HTR3D: variants seen among roughly 807,000 people sequenced by gnomAD.
HTR3D encodes the protein 5-hydroxytryptamine receptor 3D.
Under a neutral mutation model 45.8 loss-of-function variants are expected in HTR3D, and 47 were observed. That is an observed-to-expected ratio of 1.03 (90% CI 0.81 to 1.31). The LOEUF is 1.31. Ranked by LOEUF, HTR3D falls within the 50% of genes most tolerant of loss-of-function variation. The pLI is 0.00. For missense variants in HTR3D, 448 were observed against 506.9 expected (o/e 0.88, Z 1.12); for synonymous variants, 203 against 199.8 (o/e 1.02, Z -0.13).
intron 1 of HTR3D, among the ~76,000 whole-genome samples, chr3:184,034,881 G>A (rs912075264): frequency 4.6e-5 from 7 of 152,146 alleles, no homozygotes; most frequent in African/African-American, 1.2e-4. Context: ...AGGTGCATTC[G>A]GCGGGGGTGA....
chr3:184,036,837 C>CA lies in HTR3D; in HGVS notation c.463dup (p.Arg155LysfsTer10). 1 of 1,551,438 alleles carries CA rather than the reference C, an allele frequency of 6.4e-7. No individual in the cohort carries two copies. On this transcript the variant is annotated frameshift_variant, in exon 5 of 8. Transcript: ENST00000428798. LOFTEE classifies it high-confidence loss of function. ...GAGGGAGTGGGTACTGCTGGGTATC[C>CA]AAAAAAGAACAATAAAGGTGACCGT...
Position 184,038,204 on chromosome 3 carries a change from C to T in HTR3D, c.700C>T (p.Leu234Phe), listed in dbSNP as rs766003379. Residue 234 changes from leucine to phenylalanine, a missense_variant, in exon 6 of 8, where the codon CTC (leucine) becomes TTC (phenylalanine). Coordinates refer to ENST00000428798, the MANE Select transcript of HTR3D (RefSeq NM_001145143.1). The surrounding 1 kb of genome is among the most constrained non-coding windows in gnomAD (Gnocchi z 4.5). ...SVFLLMMNDL[L>F]PATSTSSHAS... ...CTTCCTGCTCATGATGAATGACTTG[C>T]TCCCAGCCACTAGCACTTCATCACA... is the stretch of plus-strand genomic sequence containing the variant. 11 of 1,614,106 alleles carry T rather than the reference C, an allele frequency of 6.8e-6. No homozygotes were observed. Among genetic ancestry groups the T allele is most frequent in the Admixed American group, 1.7e-5 (1 of 60,008 alleles).
chr3:184,037,957 T>C (rs1722954797), intron 5 of HTR3D, 64 bp from the exon 6 acceptor site: 1 of 1,578,324 alleles, frequency 6.3e-7, no homozygotes, highest in Non-Finnish European at 8.6e-7. Flanking sequence ...CAGTTCTTAC[T>C]CTTACCTGTC....
chr3:184,036,700 T>G, intron 4 of HTR3D, 48 bp from the exon 5 acceptor site: 1 of 1,554,056 alleles, frequency 6.4e-7, no homozygotes, highest in South Asian at 1.2e-5. Context: ...TTGGGCGCAT[T>G]TGGGGAGGCT....
intron 1 of HTR3D, among the ~76,000 whole-genome samples, chr3:184,033,258 C>A (rs1722798421): frequency 6.6e-6 from 1 of 151,746 alleles, no homozygotes; most frequent in African/African-American, 2.4e-5. Flanking sequence ...ACGTGCTGCC[C>A]CACCCAGCTA....
Position 184,038,444 on chromosome 3 carries a change from G to A in HTR3D, c.805G>A (p.Gly269Ser). 1 of 1,614,044 alleles carries A rather than the reference G, an allele frequency of 6.2e-7. No homozygotes were observed. The highest frequency in any genetic ancestry group is 8.5e-7 in the Non-Finnish European group (1 of 1,179,998). The stretch of plus-strand genomic sequence containing the variant: ...CGCCCTGTGCCTGTCCCTGATGGTG[G>A]GCAGCCTGCTGGAGACCATCTTCAT... ...YFALCLSLMV[G>S]SLLETIFITH... The change falls in exon 7 of 8, where the codon GGC (glycine) becomes AGC (serine). Residue 269 changes from glycine (G) to serine (S), a missense_variant. By Grantham distance (56) the Gly-to-Ser change is moderately conservative (BLOSUM62 0). Transcript: ENST00000428798. This position sits in a 1 kb window ranked among gnomAD's most constrained non-coding sequence, Gnocchi z 4.5.
intron 3 of HTR3D, 99 bp from the exon 4 acceptor site, chr3:184,036,276 G>A: frequency 6.6e-7 from 1 of 1,521,980 alleles, no homozygotes; most frequent in Non-Finnish European, 8.9e-7. Context: ...GAGTGGGGCT[G>A]GAGCTCGAGA....
In HTR3D at chr3:184,038,375, C is replaced by T; in HGVS notation, c.770-34C>T. 6.2e-7 allele frequency: 1 copy of T among 1,614,060 alleles called. No individual in the cohort carries two copies. The highest frequency in any genetic ancestry group is 8.5e-7 in the Non-Finnish European group (1 of 1,179,948). ...AAGAAACAAGAAATTCTAGGTGGCG[C>T]CTCTGGCCCTCATGCAGACCCCCTT... On this transcript the variant is annotated intron_variant, in intron 6 of 7. Transcript: ENST00000428798. The surrounding 1 kb of genome is among the most constrained non-coding windows in gnomAD (Gnocchi z 4.5).
chr3:184,035,055 A>T, intron 1 of HTR3D, 123 bp from the exon 2 acceptor site: 1 of 1,511,844 alleles, frequency 6.6e-7, no homozygotes, highest in East Asian at 2.5e-5. Context: ...ATCATTTTTC[A>T]GTGGCTTAGA....
chr3:184,035,350 C>A (rs1722855426), intron 2 of HTR3D, 128 bp downstream of exon 2: 2 of 833,742 alleles, frequency 2.4e-6, no homozygotes, highest in East Asian at 2.7e-5. Flanking sequence ...TTCAAATAGA[C>A]CAATAATGAA....
intron 1 of HTR3D, among the ~76,000 whole-genome samples, chr3:184,032,357 T>C (rs985625114): frequency 7.9e-5 from 12 of 152,230 alleles, no homozygotes; most frequent in African/African-American, 2.4e-4. Context: ...TCACAGCACA[T>C]AGTAAAGACA....
chr3:184,035,117 G>A (rs529629803), intron 1 of HTR3D, 61 bp from the exon 2 acceptor site: 2 of 1,551,488 alleles, frequency 1.3e-6, no homozygotes, highest in East Asian at 4.9e-5. Flanking sequence ...ACAAGGAGAG[G>A]GTGGTGGCAT....
intron 1 of HTR3D, 62 bp from the exon 2 acceptor site, chr3:184,035,116 G>A: frequency 6.4e-7 from 1 of 1,551,478 alleles, no homozygotes; most frequent in Non-Finnish European, 8.7e-7. Context: ...AACAAGGAGA[G>A]GGTGGTGGCA....
chr3:184,036,442 A>T lies in HTR3D; in HGVS notation c.265A>T (p.Ser89Cys). The change falls in exon 4 of 8, where the codon AGC (serine) becomes TGC (cysteine). Residue 89 changes from serine (S) to cysteine (C), a missense_variant. Ser to Cys is a moderately radical substitution (Grantham distance 112). Coordinates refer to ENST00000428798, the MANE Select transcript of HTR3D (RefSeq NM_001145143.1). ...SIVKATSNTISQCGWSASANW... is the reference protein window; with the variant it reads ...SIVKATSNTICQCGWSASANW... Reference sequence around the variant, plus strand: ...AGTGAAGGCCACATCAAACACAATAAGCCAATGTGGGTGGTCAGCATCTGC... The same window carrying T: ...AGTGAAGGCCACATCAAACACAATATGCCAATGTGGGTGGTCAGCATCTGC... The T allele has an allele frequency of 6.2e-7, 1 of 1,614,214 alleles. No individual in the cohort carries two copies. The highest frequency in any genetic ancestry group is 8.5e-7 in the Non-Finnish European group (1 of 1,180,036).
At position 184,038,909 on chromosome 3, in the gene HTR3D, C is replaced by T. The variant is rs1722998132; in HGVS notation, c.1149C>T (p.Leu383=). 1 of 1,614,102 alleles carries T rather than the reference C, an allele frequency of 6.2e-7. No homozygotes were observed. Among genetic ancestry groups the T allele is most frequent in the Admixed American group, 1.7e-5 (1 of 60,010 alleles). Residue 383 remains leucine (L), a synonymous_variant, in exon 8 of 8, where the codon CTC becomes CTT. Transcript: ENST00000428798. This position sits in a 1 kb window ranked among gnomAD's most constrained non-coding sequence, Gnocchi z 4.5. ...VQFSHAMDAL[L]FRLYLLFMAS... is the part of the protein sequence containing the mutation. ...TCAGCCACGCGATGGACGCCCTGCT[C>T]TTCCGCCTCTACCTGCTCTTCATGG...
chr3:184,033,210 T>C (rs1176277053), intron 1 of HTR3D, among the ~76,000 whole-genome samples: 1 of 150,204 alleles, frequency 6.7e-6, no homozygotes, highest in Non-Finnish European at 1.5e-5. Context: ...AACCTCTGCC[T>C]CCCAGTTTCA....
Position 184,039,124 on chromosome 3 carries a change from T to C in HTR3D, c.*149T>C. ...GTAGTTTCAGACCAGACCTGAATAG[T>C]CTCCTATGCCCTCCAAAAGTCGGGT... On this transcript the variant is annotated 3_prime_UTR_variant, in exon 8 of 8. Transcript: ENST00000428798. 1.2e-6 allele frequency: 1 copy of C among 820,914 alleles called. No individual in the cohort carries two copies. 50.9% of individuals were successfully genotyped at this position (820,914 alleles called of 1,614,324 possible). A position where few individuals can be genotyped will look rare whatever the true frequency, so the allele number is the denominator to read the frequency against.
rs1723006316 is a variant in HTR3D at position 184,039,047 on chromosome 3, C to CA, written c.*73dup. ...GAACTCCAGAAACCAGTCAGGCTCT[C>CA]AGTCAGCCTTGTGGCCCTGTCAACC... On this transcript the variant is annotated 3_prime_UTR_variant, in exon 8 of 8. Transcript: ENST00000428798. The CA allele has an allele frequency of 2.2e-6, 3 of 1,377,334 alleles. No homozygotes were observed. Among genetic ancestry groups the CA allele is most frequent in the Non-Finnish European group, 2.9e-6 (3 of 1,030,536 alleles). The allele number at this position is 1,377,334 out of a possible 1,614,324, so 85.3% of individuals were successfully genotyped here. A position where few individuals can be genotyped will look rare whatever the true frequency, so the allele number is the denominator to read the frequency against.
intron 2 of HTR3D, 149 bp from the exon 3 acceptor site, chr3:184,035,866 T>C: frequency 2.9e-6 from 2 of 697,446 alleles, no homozygotes; most frequent in Non-Finnish European, 4.6e-6. Flanking sequence ...CTAATTTTTG[T>C]ATTTTTAGTA....
Sources: gnomAD v4.1 joint callset for allele counts (sites outside exome capture counted in the v4.1 genomes callset) on GRCh38, gnomAD v4.1.1 for gene constraint, Gnocchi (gnomAD v3.1) non-coding constraint, MANE v1.5 for transcripts, NCBI Gene and HGNC (gene_info 2026-07-23, HGNC 2026-07-21) for gene names.